The following ATP5F1C variants were observed in gnomAD, a reference collection of about 807,000 sequenced individuals.
ATP5F1C encodes ATP synthase F1 subunit gamma.
ATP5F1C carries 22 observed loss-of-function variants against 37.4 expected under a neutral mutation model. The ratio of observed to expected loss-of-function variants is 0.59; its 90% CI spans 0.42 to 0.84. The LOEUF is 0.84. Among genes scored for constraint, ATP5F1C ranks in the 40% least tolerant of loss-of-function variants. ATP5F1C has a pLI of 0.00. For synonymous variants in ATP5F1C, 121 were observed against 128.0 expected (o/e 0.95, Z 0.37); for missense variants, 286 against 362.4 (o/e 0.79, Z 1.71).
At chr10:7,791,848 A>G (rs1484910153) in intron 1 of ATP5F1C, among the ~76,000 whole-genome samples, 2 of 152,256 alleles carry the variant, frequency 1.3e-5, no homozygotes, top group East Asian at 1.9e-4. Flanking sequence ...TTTAAAACAC[A>G]TGAAATTAGG....
At chr10:7,791,573 C>T (rs1201237807) in intron 1 of ATP5F1C, among the ~76,000 whole-genome samples, 2 of 152,180 alleles carry the variant, frequency 1.3e-5, no homozygotes, top group Admixed American at 6.5e-5. Context: ...GTTATAACAG[C>T]GCTGTGGAAT....
chr10:7,807,181 T>C (rs901262267), intron 9 of ATP5F1C, among the ~76,000 whole-genome samples, 171 bp downstream of exon 9: 1 of 152,210 alleles, frequency 6.6e-6, no homozygotes, highest in Non-Finnish European at 1.5e-5. Context: ...TGGACTTTTT[T>C]GTAGTGAGTG....
At chr10:7,804,710 T>C (rs567156351) in intron 8 of ATP5F1C, among the ~76,000 whole-genome samples, 3 of 152,372 alleles carry the variant, frequency 2.0e-5, no homozygotes, top group Admixed American at 2.0e-4. Context: ...CCATATCTTA[T>C]TCACTTTTGT....
chr10:7,792,486 A>G (rs1301715137), intron 1 of ATP5F1C, among the ~76,000 whole-genome samples: 1 of 152,220 alleles, frequency 6.6e-6, no homozygotes, highest in African/African-American at 2.4e-5. Context: ...ATCATGCCAA[A>G]GAGCTTCACT....
intron 1 of ATP5F1C, among the ~76,000 whole-genome samples, chr10:7,792,325 C>T (rs542937728): frequency 2.6e-4 from 40 of 152,278 alleles, no homozygotes; most frequent in African/African-American, 9.6e-4. Context: ...GTTGAGACTG[C>T]AGGAAGCCAT....
chr10:7,804,018 T>C, intron 8 of ATP5F1C: 1 of 507,710 alleles, frequency 2.0e-6, no homozygotes, highest in Non-Finnish European at 3.9e-6. Context: ...GAGGATACAG[T>C]GGTAACAGTA....
Position 7,802,799 on chromosome 10 carries a change from C to A in ATP5F1C, c.835C>A (p.Arg279Ser). Residue 279 changes from arginine to serine, a missense_variant, in exon 8 of 10, where the codon CGC becomes AGC. Transcript: ENST00000356708. ...DKLTLTFNRT[R>S]QAVITKELIE... is the part of the protein sequence containing the mutation. ...ATTGACATTGACATTCAACCGTACC[C>A]GCCAAGCTGTCATCACAAAAGAGTT... is the stretch of plus-strand genomic sequence containing the variant. 1 of 1,613,948 alleles carries A rather than the reference C, an allele frequency of 6.2e-7. No homozygotes were observed. The highest frequency in any genetic ancestry group is 8.5e-7 in the Non-Finnish European group (1 of 1,179,976).
Position 7,798,995 on chromosome 10 carries a change from T to C in ATP5F1C, c.229T>C (p.Tyr77His). The C allele has an allele frequency of 6.2e-7, 1 of 1,611,946 alleles. No homozygotes were observed. Among genetic ancestry groups the C allele is most frequent in the Non-Finnish European group, 8.5e-7 (1 of 1,179,800 alleles). ...TGCTTTTGTTTGTTTTTAAGCTCTGTATGAAAAAGCTGATATCAAGGGGCC... is the reference window on the plus strand; with the variant it reads ...TGCTTTTGTTTGTTTTTAAGCTCTGCATGAAAAAGCTGATATCAAGGGGCC... ...RIYGLGSLAL[Y>H]EKADIKGPED... The change falls in exon 4 of 10, where the codon TAT becomes CAT. Residue 77 changes from tyrosine to histidine, a missense_variant. By Grantham distance (83) the Tyr-to-His change is moderately conservative. Coordinates refer to ENST00000356708, the MANE Select transcript of ATP5F1C (RefSeq NM_001001973.3).
At chr10:7,789,140 GT>G (rs1395189682) in intron 1 of ATP5F1C, among the ~76,000 whole-genome samples, 1 of 152,110 alleles carries the variant, frequency 6.6e-6, no homozygotes, top group African/African-American at 2.4e-5. Context: ...TGGTTTGTGG[GT>G]GGTGCTGTTC....
intron 3 of ATP5F1C, among the ~76,000 whole-genome samples, chr10:7,798,745 G>A (rs112263386): frequency 5.5e-4 from 83 of 152,108 alleles, no homozygotes; most frequent in African/African-American, 8.2e-4. Flanking sequence ...TGGCCAGGCC[G>A]GTCTCAAACT....
chr10:7,807,050 A>G (rs1021121139), intron 9 of ATP5F1C, 40 bp downstream of exon 9: 8 of 1,556,926 alleles, frequency 5.1e-6, no homozygotes, highest in Non-Finnish European at 7.0e-6. Flanking sequence ...TTCAGAAAAG[A>G]AACCTATTCA....
At chr10:7,805,164 G>C (rs1380395031) in intron 8 of ATP5F1C, among the ~76,000 whole-genome samples, 1 of 152,314 alleles carries the variant, frequency 6.6e-6, no homozygotes, top group South Asian at 2.1e-4. Context: ...TACTCTCTCT[G>C]TTACTCAGCT....
At chr10:7,803,886 T>C (rs1234736923) in intron 8 of ATP5F1C, among the ~76,000 whole-genome samples, 3 of 152,228 alleles carry the variant, frequency 2.0e-5, no homozygotes, top group Non-Finnish European at 4.4e-5. Context: ...ACCTTCTAAC[T>C]ATCTCTTGAA....
Position 7,793,407 on chromosome 10 carries a change from T to C in ATP5F1C, c.57-2714T>C, listed in dbSNP as rs183717681. On this transcript the variant is annotated intron_variant, in intron 1 of 9. Transcript: ENST00000356708. ...GATTATAGGCGTGAGCCACCGCACC[T>C]GGCCCTGCCATCTGTTGATCTTCTT... is the stretch of plus-strand genomic sequence containing the variant. 2.4e-4 allele frequency among the ~76,000 whole-genome samples: 37 copies of C among 152,380 alleles called. No individual in the cohort carries two copies. In the East Asian group the frequency reaches 5.6e-3, roughly 23 times the overall value.
chr10:7,804,206 GT>G (rs1455104192), intron 8 of ATP5F1C: 1 of 518,656 alleles, frequency 1.9e-6, no homozygotes. Context: ...TACTTGCTGT[GT>G]GGCCCTTCAC....
chr10:7,794,981 C>T (rs1252844481), intron 1 of ATP5F1C, among the ~76,000 whole-genome samples: 2 of 152,192 alleles, frequency 1.3e-5, no homozygotes, highest in African/African-American at 4.8e-5. Context: ...TGGCAGCCTA[C>T]ATCCCCATGT....
At chr10:7,791,908 C>T (rs1473480091) in intron 1 of ATP5F1C, among the ~76,000 whole-genome samples, 2 of 152,230 alleles carry the variant, frequency 1.3e-5, no homozygotes, top group Non-Finnish European at 2.9e-5. Context: ...ATACCTCTGA[C>T]TTGGAGTACT....
At position 7,807,708 on chromosome 10, in the gene ATP5F1C, C is replaced by A; in HGVS notation, c.*80C>A. 1 of 1,594,392 alleles carries A rather than the reference C, an allele frequency of 6.3e-7. No individual in the cohort carries two copies. Among genetic ancestry groups the A allele is most frequent in the Non-Finnish European group, 8.6e-7 (1 of 1,168,396 alleles). ...TGATTTTGTTTTTAGCTTACTGCTG[C>A]CTTTGTCCGAAGAAACTGTTCCTCC... On this transcript the variant is annotated 3_prime_UTR_variant, in exon 10 of 10. Transcript: ENST00000356708.
intron 3 of ATP5F1C, among the ~76,000 whole-genome samples, chr10:7,798,024 TCTTAA>T (rs1836274188): frequency 6.6e-6 from 1 of 152,216 alleles, no homozygotes; most frequent in Non-Finnish European, 1.5e-5. Flanking sequence ...ACATTCTTTC[TCTTAA>T]CTTTTTTATG....
Sources: gnomAD v4.1 joint callset for allele counts (sites outside exome capture counted in the v4.1 genomes callset) on GRCh38, gnomAD v4.1.1 for gene constraint, MANE v1.5 for transcripts, NCBI Gene and HGNC (gene_info 2026-07-23, HGNC 2026-07-21) for gene names.